Variants in CCDC179 observed in about 807,000 individuals in gnomAD.
CCDC179 encodes coiled-coil domain-containing protein 179.
A neutral mutation model predicts 12.0 loss-of-function variants in CCDC179; 17 were observed. The observed-to-expected ratio is 1.42, with a 90% confidence interval of 0.97 to 2.13. CCDC179 has a LOEUF of 2.13. Ranked by LOEUF, CCDC179 falls within the 30% of genes most tolerant of loss-of-function variation. The pLI is 0.00. For synonymous variants in CCDC179, 27 were observed against 26.4 expected, an observed-to-expected ratio of 1.02 and a Z score of -0.07; for missense variants, 83 against 78.6, an observed-to-expected ratio of 1.06 and a Z score of -0.21.
chr11:22,848,918 G>A lies in CCDC179; in HGVS notation c.196-1397C>T, dbSNP rs1156869655. Among the ~76,000 whole-genome samples the A allele has an allele frequency of 2.0e-5, 3 of 152,140 alleles. No individual in the cohort carries two copies. The East Asian group carries it at 5.8e-4, about 29-fold the overall frequency. Reference sequence around the variant, plus strand: ...TACTGTGATGACATTATGAGCAATTGTCTATGTTAAAAATTATCAATCCAC... The same window carrying A: ...TACTGTGATGACATTATGAGCAATTATCTATGTTAAAAATTATCAATCCAC... On this transcript the variant is annotated intron_variant, in intron 3 of 3. Transcript: ENST00000532798.
At chr11:22,849,940 G>A (rs990932332) in intron 3 of CCDC179, among the ~76,000 whole-genome samples, 3 of 152,118 alleles carry the variant, frequency 2.0e-5, no homozygotes, top group Non-Finnish European at 4.4e-5. Flanking sequence ...ACGGGCCGGT[G>A]GTGGAGGCGA....
rs1427290966 is a variant in CCDC179, at chr11:22,857,908, A to C, written c.195+14T>G. ...TTAATGATCTGTTAATTTCAGTGAA[A>C]CCTCTATACTTACTAGGAGTCCTGG... On this transcript the variant is annotated intron_variant, in intron 3 of 3. Coordinates refer to ENST00000532798, the MANE Select transcript of CCDC179 (RefSeq NM_001195637.2). The C allele has an allele frequency of 2.3e-6, 3 of 1,286,090 alleles. No individual in the cohort carries two copies. The highest frequency in any genetic ancestry group is 3.1e-6 in the Non-Finnish European group (3 of 960,508). 79.7% of individuals were successfully genotyped at this position (1,286,090 alleles called of 1,614,324 possible). A position where few individuals can be genotyped will look rare whatever the true frequency, so the allele number is the denominator to read the frequency against.
intron 3 of CCDC179, among the ~76,000 whole-genome samples, chr11:22,851,396 A>C (rs1858401634): frequency 6.6e-6 from 1 of 152,138 alleles, no homozygotes; most frequent in Non-Finnish European, 1.5e-5. Flanking sequence ...AAGGAAGGAA[A>C]GTACTTTCTT....
In CCDC179 at chr11:22,857,960, AC is replaced by A; in HGVS notation, c.156del (p.Arg52SerfsTer37). 6.5e-7 allele frequency: 1 copy of A among 1,528,468 alleles called. No individual in the cohort carries two copies. Among genetic ancestry groups the A allele is most frequent in the South Asian group, 1.2e-5 (1 of 82,644 alleles). The allele number at this position is 1,528,468 out of a possible 1,614,324, so 94.7% of individuals were successfully genotyped here. A position where few individuals can be genotyped will look rare whatever the true frequency, so the allele number is the denominator to read the frequency against. ...TCTGGAATAGGAGAAGGCCTTGAAAACCTTTTATTCAGTCTCCTCTTCTCTT... is the reference window on the plus strand; with the variant it reads ...TCTGGAATAGGAGAAGGCCTTGAAAACTTTTATTCAGTCTCCTCTTCTCTT... ...LKKEKRRLNKRFSRPSPIPEP... is the reference protein window; with the variant it reads ...LKKEKRRLNKXFSRPSPIPEP... On this transcript the variant is annotated frameshift_variant, in exon 3 of 4. Coordinates refer to ENST00000532798, the MANE Select transcript of CCDC179 (RefSeq NM_001195637.2). LOFTEE classifies it high-confidence loss of function.
chr11:22,858,061 T>C (rs1858568387), intron 2 of CCDC179, 35 bp from the exon 3 acceptor site: 2 of 1,347,040 alleles, frequency 1.5e-6, no homozygotes, highest in African/African-American at 1.5e-5. Flanking sequence ...AAAATCATAC[T>C]TTTTTGTAAC....
chr11:22,858,169 G>A, intron 2 of CCDC179, 143 bp from the exon 3 acceptor site: 1 of 513,266 alleles, frequency 1.9e-6, no homozygotes, highest in South Asian at 2.9e-5. Flanking sequence ...TAGAAATAGG[G>A]CGAAAAATCT....
chr11:22,858,747 A>G (rs563767387), intron 2 of CCDC179, among the ~76,000 whole-genome samples: 16 of 152,172 alleles, frequency 1.1e-4, no homozygotes, highest in African/African-American at 3.1e-4. Context: ...ATTCTTGTGC[A>G]TGGGGCAAGA....
chr11:22,853,660 AAGAAG>A lies in CCDC179; in HGVS notation c.195+4257_195+4261del, dbSNP rs539390834. Among the ~76,000 whole-genome samples, 23 of 147,506 alleles carry A rather than the reference AAGAAG, an allele frequency of 1.6e-4. No homozygotes were observed. In the East Asian group the frequency reaches 4.5e-3, roughly 29 times the overall value. On this transcript the variant is annotated intron_variant, in intron 3 of 3. Transcript: ENST00000532798. ...ATAAATATGTACAATTGGAAAAAAA[AAGAAG>A]GAAGGAGGAGAGGAAGAGGAAAAGG...
At chr11:22,854,176 A>G (rs145073869) in intron 3 of CCDC179, among the ~76,000 whole-genome samples, 161 of 152,000 alleles carry the variant, frequency 1.1e-3, no homozygotes, top group Non-Finnish European at 5.5e-4. Flanking sequence ...TGTTACTAGT[A>G]GGCTTGCCCA....
At chr11:22,854,816 T>C (rs983206485) in intron 3 of CCDC179, among the ~76,000 whole-genome samples, 5 of 151,744 alleles carry the variant, frequency 3.3e-5, no homozygotes, top group Non-Finnish European at 7.4e-5. Context: ...CACAACTGTA[T>C]GTTGTTTACA....
intron 1 of CCDC179, 112 bp downstream of exon 1, chr11:22,860,265 C>A: frequency 7.9e-7 from 1 of 1,261,440 alleles, no homozygotes; most frequent in East Asian, 2.6e-5. Flanking sequence ...ACCCCCAGCA[C>A]CAAACCACAT....
chr11:22,859,633 TAAA>T (rs371944172), intron 1 of CCDC179, 137 bp from the exon 2 acceptor site: 28 of 462,746 alleles, frequency 6.1e-5, no homozygotes, highest in African/African-American at 5.2e-4. Flanking sequence ...AGAAGCAGGT[TAAA>T]AAAACAAAAA....
In CCDC179 at chr11:22,847,422, A is replaced by C. The variant is rs1367780296; in HGVS notation, c.*88T>G. On this transcript the variant is annotated 3_prime_UTR_variant, in exon 4 of 4. Transcript: ENST00000532798. ...GTGGAGTATTGCATTTATTTTGTGG[A>C]TGATCAATTCATGATATGTCACTTG... 1 of 758,912 alleles carries C rather than the reference A, an allele frequency of 1.3e-6. No homozygotes were observed. The highest frequency in any genetic ancestry group is 2.0e-6 in the Non-Finnish European group (1 of 509,254). 47.0% of individuals were successfully genotyped at this position (758,912 alleles called of 1,614,324 possible).
intron 2 of CCDC179, among the ~76,000 whole-genome samples, chr11:22,858,977 G>C (rs1369554000): frequency 6.6e-6 from 1 of 151,994 alleles, no homozygotes; most frequent in African/African-American, 2.4e-5. Context: ...AATTTTGTGT[G>C]ATCCTATGTT....
chr11:22,853,399 A>G (rs1046958810), intron 3 of CCDC179, among the ~76,000 whole-genome samples: 6 of 152,176 alleles, frequency 3.9e-5, no homozygotes, highest in Non-Finnish European at 8.8e-5. Context: ...CAAGATGGGT[A>G]ATACAAGGCA....
rs145872825 is a variant in CCDC179 at position 22,848,192 on chromosome 11, C to T, written c.196-671G>A. Reference sequence around the variant, plus strand: ...AGCATGGTGGCTTACGCCTGTAATCCCCACATTTTGGGAGGCGGAGACAGG... The same window carrying T: ...AGCATGGTGGCTTACGCCTGTAATCTCCACATTTTGGGAGGCGGAGACAGG... On this transcript the variant is annotated intron_variant, in intron 3 of 3. Transcript: ENST00000532798. 9.4e-4 allele frequency among the ~76,000 whole-genome samples: 143 copies of T among 152,090 alleles called. 1 individual carries two copies. Among genetic ancestry groups the T allele is most frequent in the African/African-American group, 3.2e-3 (131 of 41,500 alleles).
At chr11:22,852,075 G>T (rs1858417759) in intron 3 of CCDC179, among the ~76,000 whole-genome samples, 2 of 152,168 alleles carry the variant, frequency 1.3e-5, no homozygotes, top group Non-Finnish European at 2.9e-5. Flanking sequence ...TGACTTAGGG[G>T]AAAGGAAATA....
At chr11:22,848,372 A>G (rs1310494215) in intron 3 of CCDC179, among the ~76,000 whole-genome samples, 5 of 151,896 alleles carry the variant, frequency 3.3e-5, no homozygotes, top group African/African-American at 1.2e-4. Context: ...TGAGCCCGGG[A>G]GGCGGAGGTT....
intron 2 of CCDC179, among the ~76,000 whole-genome samples, chr11:22,858,650 A>G (rs1165546351): frequency 6.6e-6 from 1 of 152,064 alleles, no homozygotes; most frequent in East Asian, 1.9e-4. Flanking sequence ...ATTGCTTTGA[A>G]AACAGTGTGG....
Sources: allele counts gnomAD v4.1 joint callset (sites outside exome capture counted in the v4.1 genomes callset), GRCh38; gene constraint gnomAD v4.1.1; transcripts MANE v1.5; gene names NCBI Gene and HGNC (gene_info 2026-07-23, HGNC 2026-07-21).